FAM53A: variants seen among roughly 807,000 people sequenced by gnomAD.
The protein encoded by FAM53A is protein FAM53A.
FAM53A carries 28 observed loss-of-function variants against 26.6 expected under a neutral mutation model. The observed-to-expected ratio is 1.05, with a 90% CI of 0.78 to 1.45. The LOEUF (loss-of-function observed/expected upper bound fraction) is 1.45, where lower values mean the gene tolerates loss of function less well. Among genes scored for constraint, FAM53A ranks in the 40% most tolerant of loss-of-function variants. The pLI, the probability that FAM53A is intolerant of heterozygous loss-of-function variation, is 0.00. For synonymous variants in FAM53A, 290 were observed against 253.1 expected (o/e 1.15, Z -1.38); for missense variants, 650 against 575.8 (o/e 1.13, Z -1.32).
chr4:1,612,475 GCATGCGCGCACACACACA>G, the FAM53A span, among the ~76,000 whole-genome samples: 5 of 152,216 alleles, frequency 3.3e-5, no homozygotes, highest in African/African-American at 1.2e-4. Flanking sequence ...ACACACGAAG[GCATGCGCGCACACACACA>G]CATGCTCACA....
At chr4:1,620,625 G>A (rs755053505) in intron 1 of FAM53A, among the ~76,000 whole-genome samples, 11 of 151,662 alleles carry the variant, frequency 7.3e-5, no homozygotes, top group African/African-American at 1.9e-4. Context: ...CTGAGACTGC[G>A]CCACTGCATT....
Position 1,627,383 on chromosome 4 carries a change from G to C in FAM53A, c.432-9272C>G, listed in dbSNP as rs959993360. Among the ~76,000 whole-genome samples the C allele has an allele frequency of 1.3e-5, 2 of 152,190 alleles. 1 individual carries two copies. Among genetic ancestry groups the C allele is most frequent in the African/African-American group, 4.8e-5 (2 of 41,452 alleles). On this transcript the variant is annotated intron_variant, in intron 1 of 1. Coordinates refer to the FAM53A transcript ENST00000489029. The stretch of plus-strand genomic sequence containing the variant: ...ACAGAGCAGCCGTGAACTGCCGACT[G>C]ACGGATACACCTCCCGGAATGTTTA...
chr4:1,653,529 C>T (rs192815932), intron 4 of FAM53A, among the ~76,000 whole-genome samples: 1 of 152,344 alleles, frequency 6.6e-6, no homozygotes, highest in East Asian at 1.9e-4. Flanking sequence ...ATGCACACCC[C>T]AAGCCCTGGC....
In FAM53A at chr4:1,644,309, C is replaced by T. The variant is rs1408853566; in HGVS notation, c.883-2702G>A. On this transcript the variant is annotated intron_variant, in intron 4 of 4. Coordinates refer to ENST00000308132, the MANE Select transcript of FAM53A (RefSeq NM_001174070.3). ...TGTAAGCTCACGCCGAGGCCTCGGA[C>T]GCGGGACTCGCACTCGCGGGCACAG... 8 of 1,535,850 alleles carry T rather than the reference C, an allele frequency of 5.2e-6. No individual in the cohort carries two copies. The African/African-American group carries it at 5.5e-5, about 11-fold the overall frequency.
the FAM53A span, among the ~76,000 whole-genome samples, chr4:1,594,865 C>T: frequency 3.9e-5 from 6 of 152,190 alleles, no homozygotes; most frequent in African/African-American, 7.2e-5. Context: ...GTGTAAGGTG[C>T]TTAAGTTTTA....
intron 1 of FAM53A, among the ~76,000 whole-genome samples, chr4:1,624,093 A>G (rs1172574399): frequency 6.6e-6 from 1 of 152,158 alleles, no homozygotes; most frequent in Non-Finnish European, 1.5e-5. Flanking sequence ...TGCAGGGACC[A>G]CTGGTGGCCA....
rs745891724 is a variant in FAM53A at position 1,657,433 on chromosome 4, A to G, written c.111T>C (p.Gly37=). The G allele has an allele frequency of 4.3e-6, 7 of 1,613,834 alleles. No individual in the cohort carries two copies. In the Admixed American group the frequency reaches 1.2e-4, roughly 27 times the overall value. The change falls in exon 3 of 5, where the codon GGT becomes GGC. Residue 37 remains glycine, a synonymous_variant. Transcript: ENST00000308132. ...CGTTGAGCTCCAAAGGGAACAGACG[A>G]CCGCTCTTGTTCAGGGTTTCCGCAG... ...QYSAETLNKS[G]RLFPLELNDQ... is the part of the protein sequence containing the mutation.
At chr4:1,620,025 T>C (rs927207684) in intron 1 of FAM53A, among the ~76,000 whole-genome samples, 17 of 151,104 alleles carry the variant, frequency 1.1e-4, no homozygotes, top group African/African-American at 3.6e-4. Context: ...CTGGCCAATA[T>C]GGTGAAACCC....
chr4:1,643,374 G>C (rs1345025210), intron 4 of FAM53A, among the ~76,000 whole-genome samples: 2 of 151,912 alleles, frequency 1.3e-5, no homozygotes, highest in Admixed American at 1.3e-4. Flanking sequence ...GCTGAGGCAG[G>C]AGAATGGCGT....
At chr4:1,576,695 C>T in the FAM53A span, among the ~76,000 whole-genome samples, 20 of 152,192 alleles carry the variant, frequency 1.3e-4, no homozygotes, top group African/African-American at 4.8e-4. Flanking sequence ...CCGGGGACGC[C>T]GCAGGGGCGA....
At chr4:1,665,463 C>T (rs1169252000) in intron 2 of FAM53A, among the ~76,000 whole-genome samples, 3 of 149,162 alleles carry the variant, frequency 2.0e-5, no homozygotes, top group Non-Finnish European at 3.0e-5. Flanking sequence ...ACTCCAGCCT[C>T]GGCAACAGGG....
intron 4 of FAM53A, among the ~76,000 whole-genome samples, chr4:1,653,837 A>G (rs1459973795): frequency 6.6e-6 from 1 of 152,218 alleles, no homozygotes; most frequent in Non-Finnish European, 1.5e-5. Flanking sequence ...CGCCGGCCAC[A>G]CTGCTCTCCA....
At chr4:1,631,158 C>G (rs977888608) in intron 1 of FAM53A, among the ~76,000 whole-genome samples, 2 of 152,266 alleles carry the variant, frequency 1.3e-5, no homozygotes, top group African/African-American at 2.4e-5. Context: ...ATGGCTCTGA[C>G]TCTGCCACCT....
At chr4:1,670,042 G>A (rs538167835) in intron 1 of FAM53A, among the ~76,000 whole-genome samples, 1 of 152,330 alleles carries the variant, frequency 6.6e-6, no homozygotes, top group South Asian at 2.1e-4. Context: ...GCACCGCTCA[G>A]GAGCATCTGC....
chr4:1,580,194 C>A, the FAM53A span: 6 of 152,184 alleles, frequency 3.9e-5, no homozygotes, highest in Non-Finnish European at 7.3e-5. Context: ...GAACTCCCAC[C>A]GTTCCCGCTG....
At chr4:1,621,101 C>CTTTTTTTTTTTTTTTTTTTTTTT (rs574102929) in intron 1 of FAM53A, among the ~76,000 whole-genome samples, 1 of 95,488 alleles carries the variant, frequency 1.0e-5, no homozygotes, top group East Asian at 3.2e-4. Context: ...AGCTACGCTA[C>CTTTTTTTTTTTTTTTTTTTTTTT]TTTTTTTTTT....
chr4:1,652,166 C>A (rs1290883915), intron 4 of FAM53A, among the ~76,000 whole-genome samples: 1 of 138,670 alleles, frequency 7.2e-6, no homozygotes. Context: ...ACACACACAC[C>A]CCACACGCCA....
At chr4:1,595,316 C>T in the FAM53A span, among the ~76,000 whole-genome samples, 40 of 152,354 alleles carry the variant, frequency 2.6e-4, 1 homozygote, top group African/African-American at 8.7e-4. Flanking sequence ...CATGGTCCTG[C>T]GTGGCCATTG....
the FAM53A span, among the ~76,000 whole-genome samples, chr4:1,586,296 C>T: frequency 1.3e-5 from 2 of 151,800 alleles, no homozygotes; most frequent in African/African-American, 2.4e-5. Context: ...TGGGTTCAAG[C>T]GATTCTCCTG....
Sources: gnomAD v4.1 joint callset for allele counts (sites outside exome capture counted in the v4.1 genomes callset) on GRCh38, gnomAD v4.1.1 for gene constraint, MANE v1.5 for transcripts, NCBI Gene and HGNC (gene_info 2026-07-23, HGNC 2026-07-21) for gene names.